Variants in NCAM2 observed in about 807,000 individuals in gnomAD.
The protein encoded by NCAM2 is neural cell adhesion molecule 2.
NCAM2 carries 30 observed loss-of-function variants against 98.1 expected under a neutral mutation model. That is an observed-to-expected ratio of 0.31 (90% CI 0.23 to 0.41). The LOEUF (loss-of-function observed/expected upper bound fraction) is 0.41. NCAM2 is among the 10% of genes least tolerant of loss of function. NCAM2 has a pLI of 1.00. For missense variants in NCAM2, 867 were observed against 1,005.8 expected (o/e 0.86, Z 1.87); for synonymous variants, 368 against 342.4 (o/e 1.07, Z -0.83).
At chr21:21,504,881 A>C (rs2212631) in intron 15 of NCAM2, among the ~76,000 whole-genome samples, 124,568 of 151,086 alleles carry the variant, frequency 0.82, 51,467 homozygotes, top group Middle Eastern at 0.92. Context: ...GTAATAATCA[A>C]ATTAGGGAAA....
rs535210320 is a variant in NCAM2 at position 21,350,815 on chromosome 21, C to T, written c.1044+12281C>T. ...TGTTTTCTAATATCTAGGTCGGGTG[C>T]GGTGGCTCACGCCTGTAATCCTAGC... is the stretch of plus-strand genomic sequence containing the variant. On this transcript the variant is annotated intron_variant, in intron 8 of 17. Transcript: ENST00000400546. 3.3e-5 allele frequency among the ~76,000 whole-genome samples: 5 copies of T among 151,566 alleles called. No individual in the cohort carries two copies. The South Asian group carries it at 6.2e-4, about 19-fold the overall frequency.
intron 12 of NCAM2, among the ~76,000 whole-genome samples, chr21:21,439,027 A>C (rs1249045995): frequency 6.6e-6 from 1 of 152,174 alleles, no homozygotes; most frequent in Non-Finnish European, 1.5e-5. Context: ...TTAAGGCTGC[A>C]GAGAACTATG....
At chr21:21,120,675 C>A (rs1350158826) in intron 1 of NCAM2, among the ~76,000 whole-genome samples, 1 of 149,980 alleles carries the variant, frequency 6.7e-6, no homozygotes, top group Non-Finnish European at 1.5e-5. Flanking sequence ...TTTTTAAAGG[C>A]AATTAAAGTT....
intron 11 of NCAM2, among the ~76,000 whole-genome samples, chr21:21,423,238 A>T (rs555232115): frequency 6.6e-6 from 1 of 152,238 alleles, no homozygotes; most frequent in Admixed American, 6.5e-5. Context: ...ATCAGGTAGT[A>T]TGTCCAGCCC....
intron 11 of NCAM2, among the ~76,000 whole-genome samples, chr21:21,425,408 G>T (rs1323072911): frequency 6.6e-6 from 1 of 152,066 alleles, no homozygotes; most frequent in African/African-American, 2.4e-5. Flanking sequence ...ATGGTTCATT[G>T]TGTTATATTT....
chr21:21,445,032 C>T (rs922772057), intron 12 of NCAM2, among the ~76,000 whole-genome samples: 6 of 151,980 alleles, frequency 3.9e-5, no homozygotes, highest in African/African-American at 1.4e-4. Context: ...GGTACTTCAT[C>T]TCTTCATTCT....
chr21:21,323,186 G>T (rs1165358161), intron 5 of NCAM2, among the ~76,000 whole-genome samples: 1 of 152,092 alleles, frequency 6.6e-6, no homozygotes, highest in East Asian at 1.9e-4. Context: ...GAAAAACAGG[G>T]TACAGATAGT....
chr21:21,533,331 T>C (rs573250696), intron 16 of NCAM2, among the ~76,000 whole-genome samples: 1 of 152,024 alleles, frequency 6.6e-6, no homozygotes, highest in Non-Finnish European at 1.5e-5. Context: ...ATTATTGTCA[T>C]TATGCATTTG....
chr21:21,254,289 A>G (rs1456268080), intron 1 of NCAM2, among the ~76,000 whole-genome samples: 1 of 152,226 alleles, frequency 6.6e-6, no homozygotes, highest in Non-Finnish European at 1.5e-5. Context: ...CTGAAAAATC[A>G]TGAAATTTGA....
intron 1 of NCAM2, among the ~76,000 whole-genome samples, chr21:21,161,908 T>G (rs1209191277): frequency 1.3e-5 from 2 of 152,048 alleles, no homozygotes; most frequent in African/African-American, 2.4e-5. Flanking sequence ...GGGTACAGTT[T>G]AGGTAATTTT....
chr21:21,259,444 C>A (rs2071806465), intron 1 of NCAM2, among the ~76,000 whole-genome samples: 1 of 8,624 alleles, frequency 1.2e-4, no homozygotes, highest in African/African-American at 3.6e-4. Context: ...GCTGGTGCAT[C>A]CCCCAGCCCC....
At chr21:21,265,322 C>G (rs573280305) in intron 1 of NCAM2, among the ~76,000 whole-genome samples, 17 of 126,706 alleles carry the variant, frequency 1.3e-4, no homozygotes, top group Non-Finnish European at 2.5e-4. Context: ...CGTATATATA[C>G]ACATATATAA....
intron 5 of NCAM2, among the ~76,000 whole-genome samples, chr21:21,323,861 T>G (rs778615837): frequency 5.9e-5 from 9 of 152,180 alleles, no homozygotes; most frequent in Admixed American, 1.3e-4. Flanking sequence ...TTTTGACACC[T>G]AATTTGAAAG....
chr21:21,116,805 A>T (rs1010828239), intron 1 of NCAM2, among the ~76,000 whole-genome samples: 1 of 152,042 alleles, frequency 6.6e-6, no homozygotes, highest in Non-Finnish European at 1.5e-5. Context: ...CAGTGAGCCG[A>T]GATCGTGCCA....
chr21:21,417,991 G>A (rs765620103), intron 10 of NCAM2, among the ~76,000 whole-genome samples: 5 of 152,000 alleles, frequency 3.3e-5, no homozygotes, highest in Non-Finnish European at 2.9e-5. Context: ...GAACATTAAA[G>A]CAAACTGATC....
intron 1 of NCAM2, among the ~76,000 whole-genome samples, chr21:21,107,866 G>T (rs1266351143): frequency 6.6e-6 from 1 of 151,996 alleles, no homozygotes; most frequent in Non-Finnish European, 1.5e-5. Context: ...AGTGGGAGAA[G>T]AATTATATAT....
At chr21:21,121,477 A>G (rs896161624) in intron 1 of NCAM2, among the ~76,000 whole-genome samples, 1 of 152,214 alleles carries the variant, frequency 6.6e-6, no homozygotes, top group Admixed American at 6.5e-5. Flanking sequence ...TCAGATGCCT[A>G]TCATAGCTGA....
chr21:21,371,844 T>G (rs2148042006), intron 8 of NCAM2, among the ~76,000 whole-genome samples: 1 of 150,486 alleles, frequency 6.6e-6, no homozygotes, highest in African/African-American at 2.5e-5. Flanking sequence ...CCTGGTTGCT[T>G]ATTGTAAAAT....
At chr21:21,239,190 A>G (rs1440636446) in intron 1 of NCAM2, among the ~76,000 whole-genome samples, 1 of 152,208 alleles carries the variant, frequency 6.6e-6, no homozygotes, top group Non-Finnish European at 1.5e-5. Flanking sequence ...CAATGCTAAA[A>G]GGGTTGGCCA....
Sources: gnomAD v4.1 joint callset for allele counts (sites outside exome capture counted in the v4.1 genomes callset) on GRCh38, gnomAD v4.1.1 for gene constraint, MANE v1.5 for transcripts, NCBI Gene and HGNC (gene_info 2026-07-23, HGNC 2026-07-21) for gene names.